The following KDM2B variants were observed in gnomAD, a reference collection of about 807,000 sequenced individuals.
KDM2B encodes the protein lysine demethylase 2B, also known as lysine-specific demethylase 2B.
Under a neutral mutation model 150.0 loss-of-function variants are expected in KDM2B, and 26 were observed. The observed-to-expected ratio is 0.17, with a 90% CI of 0.13 to 0.24. The LOEUF is 0.24. Among genes scored for constraint, KDM2B ranks in the 10% least tolerant of loss-of-function variants. The pLI, the probability that KDM2B is intolerant of heterozygous loss-of-function variation, is 1.00. For missense variants in KDM2B, 1,265 were observed against 1,816.9 expected (o/e 0.70, Z 5.52); for synonymous variants, 734 against 729.5 (o/e 1.01, Z -0.10).
intron 19 of KDM2B, among the ~76,000 whole-genome samples, chr12:121,441,556 C>T (rs189243194): frequency 6.6e-6 from 1 of 152,190 alleles, no homozygotes; most frequent in East Asian, 1.9e-4. Context: ...CCTGCCTCAG[C>T]CTCCCGAGTA....
intron 12 of KDM2B, among the ~76,000 whole-genome samples, chr12:121,454,362 T>TC (rs1877879101): frequency 6.6e-6 from 1 of 152,050 alleles, no homozygotes; most frequent in Non-Finnish European, 1.5e-5. Context: ...CTCCAAATGC[T>TC]CCCTTCCCTG....
intron 11 of KDM2B, among the ~76,000 whole-genome samples, chr12:121,507,122 G>A (rs1885158874): frequency 6.8e-6 from 1 of 146,734 alleles, no homozygotes; most frequent in African/African-American, 2.5e-5. Flanking sequence ...AAAAAAGACA[G>A]CTAAGTTCAA....
At chr12:121,519,655 G>A (rs1447314566) in intron 9 of KDM2B, among the ~76,000 whole-genome samples, 1 of 152,134 alleles carries the variant, frequency 6.6e-6, no homozygotes, top group Non-Finnish European at 1.5e-5. Context: ...GACTGCTTGT[G>A]GGTACAAGGT....
At chr12:121,448,627 G>T (rs962845566) in intron 13 of KDM2B, among the ~76,000 whole-genome samples, 2 of 152,098 alleles carry the variant, frequency 1.3e-5, no homozygotes, top group Non-Finnish European at 2.9e-5. Context: ...GCTGCTCAGA[G>T]GAGCTTCAAG....
chr12:121,507,888 G>A (rs148030978), intron 11 of KDM2B, among the ~76,000 whole-genome samples: 28 of 152,204 alleles, frequency 1.8e-4, no homozygotes, highest in African/African-American at 6.0e-4. Context: ...GCATGCACCT[G>A]TAGTCCCAGC....
chr12:121,417,983 G>C, the KDM2B span: 1 of 1,454,646 alleles, frequency 6.9e-7, no homozygotes, highest in Non-Finnish European at 9.4e-7. The surrounding 1 kb of genome is among the most constrained non-coding windows in gnomAD (Gnocchi z 5.0). Flanking sequence ...GGGGCCTTTA[G>C]TGCTTGATGA....
Position 121,445,392 on chromosome 12 carries a change from G to A in KDM2B, c.1986C>T (p.Cys662=), listed in dbSNP as rs186978564. The A allele has an allele frequency of 1.9e-5, 30 of 1,606,762 alleles. No homozygotes were observed. The Admixed American group carries it at 3.0e-4, about 16-fold the overall frequency. ...IAPVLPHTAV[C]LVCGEAGKED... ...CCTTCCCCGCCTCGCCACACACAAG[G>A]CACACGGCGGTGTGGGGCAGCACTG... The change falls in exon 14 of 23, where the codon TGC becomes TGT. Residue 662 remains cysteine (C), a synonymous_variant. Coordinates refer to ENST00000377071, the MANE Select transcript of KDM2B (RefSeq NM_032590.5).
chr12:121,418,279 A>ATC, the KDM2B span: 1,516 of 189,342 alleles, frequency 8.0e-3, 22 homozygotes, highest in African/African-American at 0.033. Context: ...ACAGAAAACA[A>ATC]TCAGTAGTGT....
In KDM2B at chr12:121,467,174, T is replaced by A. The variant is rs1880126128; in HGVS notation, c.1735-13830A>T. On this transcript the variant is annotated intron_variant, in intron 12 of 22. Coordinates refer to ENST00000377071, the MANE Select transcript of KDM2B (RefSeq NM_032590.5). This position sits in a 1 kb window ranked among gnomAD's most constrained non-coding sequence, Gnocchi z 5.1. ...GCCGCCGACCTGGTCCGGCTCCGATTCATAGTCGTCGTCCTCGGCGCTCAC... is the reference window on the plus strand; with the variant it reads ...GCCGCCGACCTGGTCCGGCTCCGATACATAGTCGTCGTCCTCGGCGCTCAC... 8.9e-7 allele frequency: 1 copy of A among 1,120,716 alleles called. No individual in the cohort carries two copies. Among genetic ancestry groups the A allele is most frequent in the Non-Finnish European group, 1.1e-6 (1 of 898,312 alleles). The allele number at this position is 1,120,716 out of a possible 1,614,324, so 69.4% of individuals were successfully genotyped here. A position where few individuals can be genotyped will look rare whatever the true frequency, so the allele number is the denominator to read the frequency against.
upstream of KDM2B, among the ~76,000 whole-genome samples, chr12:121,581,739 A>G (rs571560760): frequency 6.6e-6 from 1 of 152,320 alleles, no homozygotes; most frequent in East Asian, 1.9e-4. Context: ...CAGAGAAATT[A>G]TGAATCTGAA....
chr12:121,453,110 C>A lies in KDM2B; in HGVS notation c.1959+10G>T, dbSNP rs1555291984. 3 of 1,600,202 alleles carry A rather than the reference C, an allele frequency of 1.9e-6. No individual in the cohort carries two copies. The highest frequency in any genetic ancestry group is 1.7e-6 in the Non-Finnish European group (2 of 1,175,366). On this transcript the variant is annotated intron_variant, in intron 13 of 22. Transcript: ENST00000377071. This position sits in a 1 kb window ranked among gnomAD's most constrained non-coding sequence, Gnocchi z 6.4. ...AATCGAGCGCAGGGCTGGGCGGGGG[C>A]CGCACTCACCGCGATGCACTGCCGC...
At chr12:121,562,481 C>G (rs1890414081) in intron 4 of KDM2B, among the ~76,000 whole-genome samples, 1 of 151,732 alleles carries the variant, frequency 6.6e-6, no homozygotes, top group Non-Finnish European at 1.5e-5. Context: ...GAGACTCTGT[C>G]TCAAAAAAAA....
At chr12:121,570,409 CT>C (rs1258359197) in intron 4 of KDM2B, among the ~76,000 whole-genome samples, 10 of 152,156 alleles carry the variant, frequency 6.6e-5, no homozygotes, top group African/African-American at 2.4e-4. Flanking sequence ...TGGTCTTGAA[CT>C]CCTGGCCTCA....
chr12:121,434,491 ACTCT>A (rs370653021), intron 22 of KDM2B, among the ~76,000 whole-genome samples: 7,315 of 135,344 alleles, frequency 0.054, 264 homozygotes, highest in Middle Eastern at 0.1. Context: ...ACAGAGCGAG[ACTCT>A]CTATCAAAAA....
chr12:121,531,182 T>C (rs1887635980), intron 8 of KDM2B, among the ~76,000 whole-genome samples: 1 of 152,030 alleles, frequency 6.6e-6, no homozygotes, highest in African/African-American at 2.4e-5. Flanking sequence ...TTCCCTTCCA[T>C]CCCAAGCAGG....
At chr12:121,571,242 A>C (rs1891066136) in intron 4 of KDM2B, among the ~76,000 whole-genome samples, 1 of 152,214 alleles carries the variant, frequency 6.6e-6, no homozygotes, top group South Asian at 2.1e-4. Context: ...TCTGGAATTT[A>C]GTGGGGATGG....
the KDM2B span, among the ~76,000 whole-genome samples, chr12:121,411,293 G>C: frequency 6.6e-6 from 1 of 152,030 alleles, no homozygotes; most frequent in East Asian, 1.9e-4. Flanking sequence ...TCTTTCTGGG[G>C]AACAAAGAGG....
At chr12:121,423,744 C>T in the KDM2B span, 2 of 643,656 alleles carry the variant, frequency 3.1e-6, no homozygotes, top group South Asian at 4.1e-5. This position sits in a 1 kb window ranked among gnomAD's most constrained non-coding sequence, Gnocchi z 4.3. Flanking sequence ...AACATTGGTC[C>T]ATGCCGTGAG....
chr12:121,542,975 C>T (rs782153895), intron 6 of KDM2B, among the ~76,000 whole-genome samples: 18 of 152,200 alleles, frequency 1.2e-4, no homozygotes, highest in Admixed American at 2.0e-4. Flanking sequence ...CCTTGCAAAT[C>T]TTTTGTCTCT....
Sources: allele counts gnomAD v4.1 joint callset (sites outside exome capture counted in the v4.1 genomes callset), GRCh38; gene constraint gnomAD v4.1.1; non-coding constraint Gnocchi (gnomAD v3.1); transcripts MANE v1.5; gene names NCBI Gene and HGNC (gene_info 2026-07-23, HGNC 2026-07-21).